Variants in MGAT4C observed in about 807,000 individuals in gnomAD.
MGAT4C encodes the protein MGAT4 family member C.
A neutral mutation model predicts 40.1 loss-of-function variants in MGAT4C; 19 were observed. The observed-to-expected ratio is 0.47, with a 90% CI of 0.33 to 0.70. The LOEUF is 0.70. Ranked by LOEUF, MGAT4C falls within the 30% of genes least tolerant of loss-of-function variation. The pLI is 0.02. For missense variants in MGAT4C, 491 were observed against 563.2 expected, an observed-to-expected ratio of 0.87 and a Z score of 1.30; for synonymous variants, 181 against 187.1, an observed-to-expected ratio of 0.97 and a Z score of 0.27.
At chr12:86,451,400 C>G (rs1480632488) in intron 2 of MGAT4C, among the ~76,000 whole-genome samples, 1 of 152,126 alleles carries the variant, frequency 6.6e-6, no homozygotes, top group Non-Finnish European at 1.5e-5. Flanking sequence ...TATAAAGTAG[C>G]CAGTCTCAGG....
Position 85,979,586 on chromosome 12 carries a change from C to A in MGAT4C, c.1140G>T (p.Val380=), listed in dbSNP as rs1317788001. ...TTATAATTGGATTTTCAAATACAAT[C>A]ACAAAAACATCTCCTGTTGAAGGTG... ...GKPPSTGDVF[V]IVFENPIIIK... is the part of the protein sequence containing the mutation. The change falls in exon 5 of 5, where the codon GTG becomes GTT. Residue 380 remains valine, a synonymous_variant. Coordinates refer to ENST00000611864, the MANE Select transcript of MGAT4C (RefSeq NM_001351288.2). 1 of 1,608,154 alleles carries A rather than the reference C, an allele frequency of 6.2e-7. No individual in the cohort carries two copies. Among genetic ancestry groups the A allele is most frequent in the African/African-American group, 1.3e-5 (1 of 74,558 alleles).
chr12:86,230,034 A>G (rs1951252344), intron 1 of MGAT4C, among the ~76,000 whole-genome samples: 1 of 152,034 alleles, frequency 6.6e-6, no homozygotes. Flanking sequence ...AAATACTGCG[A>G]TTGCTCCCCA....
chr12:86,348,536 T>C (rs1955089244), intron 3 of MGAT4C, among the ~76,000 whole-genome samples: 1 of 152,148 alleles, frequency 6.6e-6, no homozygotes, highest in African/African-American at 2.4e-5. Context: ...TCAAAATAAA[T>C]TGCATACATT....
intron 2 of MGAT4C, among the ~76,000 whole-genome samples, chr12:86,566,525 CATATACATATATATATATATATATAT>C (rs1387459041): frequency 1.3e-4 from 9 of 70,948 alleles, no homozygotes; most frequent in Non-Finnish European, 1.6e-4. Context: ...TTAGTAAACT[CATATACATATATATATATATATATAT>C]ATATATATAT....
chr12:86,708,162 C>T (rs1156991786), intron 2 of MGAT4C, among the ~76,000 whole-genome samples: 1 of 152,150 alleles, frequency 6.6e-6, no homozygotes. Context: ...GGTCCCCATG[C>T]TGTTTGCAGT....
intron 2 of MGAT4C, among the ~76,000 whole-genome samples, chr12:86,632,349 G>A (rs1043280300): frequency 6.6e-5 from 10 of 152,238 alleles, no homozygotes; most frequent in South Asian, 2.1e-4. Context: ...ACAGTGTGGC[G>A]ATTCCTCAAG....
chr12:86,679,399 A>G (rs777664397), intron 2 of MGAT4C, among the ~76,000 whole-genome samples: 1 of 152,054 alleles, frequency 6.6e-6, no homozygotes, highest in Non-Finnish European at 1.5e-5. Context: ...AAAATCCTAT[A>G]GTGGTTTTCT....
chr12:86,587,463 G>T (rs1342518513), intron 2 of MGAT4C, among the ~76,000 whole-genome samples: 2 of 152,042 alleles, frequency 1.3e-5, no homozygotes, highest in Non-Finnish European at 2.9e-5. Flanking sequence ...GAACTTTAAA[G>T]TTGTTTTTTC....
At chr12:86,501,907 T>C (rs1005603986) in intron 2 of MGAT4C, among the ~76,000 whole-genome samples, 2 of 152,084 alleles carry the variant, frequency 1.3e-5, no homozygotes, top group African/African-American at 4.8e-5. Context: ...CTTCGAGGAA[T>C]TGCCACACTG....
intron 2 of MGAT4C, among the ~76,000 whole-genome samples, chr12:86,043,421 T>C (rs1471939904): frequency 1.3e-5 from 2 of 152,122 alleles, no homozygotes; most frequent in Non-Finnish European, 2.9e-5. Flanking sequence ...CTGAAGAACT[T>C]GGAGTCCAAT....
intron 1 of MGAT4C, among the ~76,000 whole-genome samples, chr12:86,172,127 A>G (rs1472870675): frequency 2.6e-5 from 4 of 152,166 alleles, no homozygotes; most frequent in Non-Finnish European, 5.9e-5. Flanking sequence ...ATATGAATTG[A>G]ATGAAGTAAT....
intron 4 of MGAT4C, among the ~76,000 whole-genome samples, chr12:86,328,250 A>G (rs1034158792): frequency 6.6e-6 from 1 of 152,218 alleles, no homozygotes; most frequent in African/African-American, 2.4e-5. Context: ...AACACTGAAC[A>G]TGTTTCTAAA....
chr12:86,828,992 T>C (rs113481473), intron 1 of MGAT4C, among the ~76,000 whole-genome samples: 18 of 151,724 alleles, frequency 1.2e-4, no homozygotes, highest in African/African-American at 4.3e-4. Flanking sequence ...TTCTATGGTA[T>C]ATAAATTATA....
At chr12:86,286,962 A>C (rs1296740266) in intron 4 of MGAT4C, among the ~76,000 whole-genome samples, 1 of 152,046 alleles carries the variant, frequency 6.6e-6, no homozygotes, top group Admixed American at 6.6e-5. Flanking sequence ...TTTATAAGTA[A>C]TATATTTGCT....
chr12:86,193,188 C>T (rs1273075190), intron 1 of MGAT4C, among the ~76,000 whole-genome samples: 1 of 150,668 alleles, frequency 6.6e-6, no homozygotes, highest in Non-Finnish European at 1.5e-5. Flanking sequence ...TCTTTTGTTC[C>T]TTTGATTATC....
rs148235200 is a variant in MGAT4C at position 86,463,408 on chromosome 12, A to C, written c.-228-28143T>G. On this transcript the variant is annotated intron_variant, in intron 2 of 7. Coordinates refer to the MGAT4C transcript ENST00000548651. ...TTCTTGCAAGGCCCAAATTCTATTA[A>C]ATTTTCTATAGTTCTTATATGCATC... Among the ~76,000 whole-genome samples the C allele has an allele frequency of 2.2e-3, 340 of 152,202 alleles. 2 individuals carry two copies. The highest frequency in any genetic ancestry group is 3.5e-3 in the Non-Finnish European group (240 of 68,002).
At chr12:86,682,688 T>C (rs1950003905) in intron 2 of MGAT4C, among the ~76,000 whole-genome samples, 1 of 152,148 alleles carries the variant, frequency 6.6e-6, no homozygotes, top group South Asian at 2.1e-4. Context: ...GAGCTTGCTA[T>C]TAAATGAACT....
Position 86,469,632 on chromosome 12 carries a change from A to C in MGAT4C, c.-228-34367T>G, listed in dbSNP as rs573205546. Among the ~76,000 whole-genome samples the C allele has an allele frequency of 1.7e-3, 255 of 152,256 alleles. 1 individual carries two copies. The highest frequency in any genetic ancestry group is 5.3e-3 in the African/African-American group (222 of 41,562). ...AATTGCGGTTTTTTTTTCCCCTGAA[A>C]GTAATGGCAAAAATGGCAATTAACT... On this transcript the variant is annotated intron_variant, in intron 2 of 7. Transcript: ENST00000548651.
intron 1 of MGAT4C, among the ~76,000 whole-genome samples, chr12:86,185,880 A>C (rs1888698987): frequency 6.6e-6 from 1 of 152,128 alleles, no homozygotes; most frequent in Non-Finnish European, 1.5e-5. Context: ...AGGAAAATTT[A>C]ACAGGTGGTA....
Sources: allele counts gnomAD v4.1 joint callset (sites outside exome capture counted in the v4.1 genomes callset), GRCh38; gene constraint gnomAD v4.1.1; transcripts MANE v1.5; gene names NCBI Gene and HGNC (gene_info 2026-07-23, HGNC 2026-07-21).